Variants in TNRC18 observed in about 807,000 individuals in gnomAD.
The protein encoded by TNRC18 is trinucleotide repeat containing 18.
Under a neutral mutation model 226.7 loss-of-function variants are expected in TNRC18, and 69 were observed. The ratio of observed to expected loss-of-function variants is 0.30; its 90% CI spans 0.25 to 0.37. The LOEUF (loss-of-function observed/expected upper bound fraction) is 0.37. Ranked by LOEUF, TNRC18 falls within the 10% of genes least tolerant of loss-of-function variation. The pLI, the probability that TNRC18 is intolerant of heterozygous loss-of-function variation, is 1.00. For synonymous variants in TNRC18, 2,449 were observed against 1,927.6 expected (o/e 1.27, Z -7.09); for missense variants, 4,754 against 4,256.6 (o/e 1.12, Z -3.25).
At chr7:5,401,259 GAT>G (rs1452086754) in intron 2 of TNRC18, among the ~76,000 whole-genome samples, 1 of 151,882 alleles carries the variant, frequency 6.6e-6, no homozygotes, top group Non-Finnish European at 1.5e-5. Flanking sequence ...ATGTGATCAT[GAT>G]AGGGATATAA....
rs118167776 is a variant in TNRC18 at position 5,337,704 on chromosome 7, G to A, written c.5720-4655C>T. On this transcript the variant is annotated intron_variant, in intron 18 of 29. Coordinates refer to ENST00000430969, the MANE Select transcript of TNRC18 (RefSeq NM_001080495.3). ...TTAAATGATTAAAACTAAGTTTGTG[G>A]TCGGGTCCGGGGGCTCATGCCTGTA... Among the ~76,000 whole-genome samples, 559 of 152,188 alleles carry A rather than the reference G, an allele frequency of 3.7e-3. 7 individuals are homozygous for A. Among genetic ancestry groups the A allele is most frequent in the East Asian group, 6.4e-3 (33 of 5,190 alleles).
rs377715514 is a variant in TNRC18 at position 5,308,166 on chromosome 7, G to T, written c.8847C>A (p.Gly2949=). The T allele has an allele frequency of 1.1e-5, 18 of 1,584,382 alleles. No individual in the cohort carries two copies. In the African/African-American group the frequency reaches 2.3e-4, roughly 20 times the overall value. ...TCATGCCCGTGGTGGGCTCGTAGGTGCCCGCGAGGTAGTACAGGCCCTCGC... is the reference window on the plus strand; with the variant it reads ...TCATGCCCGTGGTGGGCTCGTAGGTTCCCGCGAGGTAGTACAGGCCCTCGC... The part of the protein sequence containing the change: ...QDSEGLYYLA[G]TYEPTTGMIF... Residue 2949 remains glycine (G), a synonymous_variant, in exon 30 of 30, where the codon GGC becomes GGA. Coordinates refer to ENST00000430969, the MANE Select transcript of TNRC18 (RefSeq NM_001080495.3).
In TNRC18 at chr7:5,371,284, C is replaced by T. The variant is rs776127637; in HGVS notation, c.3310G>A (p.Ala1104Thr). ...PYPFLLQPTAAADADGLAPDV... is the reference protein window; with the variant it reads ...PYPFLLQPTATADADGLAPDV... ...GGGGCCAAGCCGTCCGCGTCGGCGG[C>T]GGCCGTGGGCTGCAGCAGGAAAGGG... The change falls in exon 11 of 30, where the codon GCC becomes ACC. Residue 1104 changes from alanine (A) to threonine (T), a missense_variant. Ala to Thr is a moderately conservative substitution (Grantham distance 58). Coordinates refer to ENST00000430969, the MANE Select transcript of TNRC18 (RefSeq NM_001080495.3). The T allele has an allele frequency of 1.2e-5, 19 of 1,579,114 alleles. 1 individual carries two copies. The highest frequency in any genetic ancestry group is 8.9e-5 in the Admixed American group (5 of 55,916).
chr7:5,414,420 GTT>G (rs1025136311), intron 2 of TNRC18, among the ~76,000 whole-genome samples: 1 of 142,748 alleles, frequency 7.0e-6, no homozygotes, highest in Non-Finnish European at 1.6e-5. Flanking sequence ...TCTTTCTTTT[GTT>G]TTTTTTTTGA....
At chr7:5,334,233 G>C (rs1583811175) in intron 18 of TNRC18, among the ~76,000 whole-genome samples, 2 of 152,214 alleles carry the variant, frequency 1.3e-5, no homozygotes, top group East Asian at 3.8e-4. Flanking sequence ...ACAGCAACAG[G>C]GGCTGGCGGG....
At chr7:5,360,238 TA>T (rs1259439873) in intron 14 of TNRC18, among the ~76,000 whole-genome samples, 1 of 150,590 alleles carries the variant, frequency 6.6e-6, no homozygotes, top group African/African-American at 2.4e-5. Flanking sequence ...TTTATTTATT[TA>T]ATTTATTTTT....
In TNRC18 at chr7:5,316,274, C is replaced by CTTTTTTT. The variant is rs1278896095; in HGVS notation, c.6746-209_6746-203dup. Among the ~76,000 whole-genome samples, 363 of 86,520 alleles carry CTTTTTTT rather than the reference C, an allele frequency of 4.2e-3. 11 individuals carry two copies. Among genetic ancestry groups the CTTTTTTT allele is most frequent in the Non-Finnish European group, 4.8e-3 (234 of 48,344 alleles). The allele number at this position is 86,520 out of a possible 152,430, so 56.8% of individuals were successfully genotyped here. A position where few individuals can be genotyped will look rare whatever the true frequency, so the allele number is the denominator to read the frequency against. On this transcript the variant is annotated intron_variant, in intron 24 of 29. Coordinates refer to ENST00000430969, the MANE Select transcript of TNRC18 (RefSeq NM_001080495.3). ...CCCGGGCAGGGCAGGAGAAATGGGT[C>CTTTTTTT]TTTTTTTTTTTTTTTTTTTTTTGAG...
At chr7:5,369,279 G>T (rs1793930953) in intron 11 of TNRC18, among the ~76,000 whole-genome samples, 1 of 152,160 alleles carries the variant, frequency 6.6e-6, no homozygotes, top group Non-Finnish European at 1.5e-5. Context: ...ACCCGGGAGG[G>T]CGGAGGCTGC....
rs531792990 is a variant in TNRC18 at position 5,389,263 on chromosome 7, G to A, written c.561C>T (p.Gly187=). Residue 187 remains glycine (G), a synonymous_variant, in exon 5 of 30, where the codon GGC becomes GGT. Transcript: ENST00000430969. ...CCGGGGCGCCCGAGGAGTGGCCGCC[G>A]CCAGGGGTCCGGGCCGAGGGCGCGT... ...HSHAPSARTP[G]GGHSSGAPAK... The A allele has an allele frequency of 3.1e-6, 4 of 1,309,234 alleles. No individual in the cohort carries two copies. Among genetic ancestry groups the A allele is most frequent in the East Asian group, 3.1e-5 (1 of 32,142 alleles). The allele number at this position is 1,309,234 out of a possible 1,614,324, so 81.1% of individuals were successfully genotyped here.
At chr7:5,354,579 A>G (rs1186292064) in intron 16 of TNRC18, among the ~76,000 whole-genome samples, 1 of 151,962 alleles carries the variant, frequency 6.6e-6, no homozygotes, top group African/African-American at 2.4e-5. Context: ...ACTGGCCAGG[A>G]GCCTAGGCTA....
At chr7:5,314,743 T>C (rs1787669759) in intron 26 of TNRC18, among the ~76,000 whole-genome samples, 1 of 152,012 alleles carries the variant, frequency 6.6e-6, no homozygotes, top group African/African-American at 2.4e-5. Context: ...CAGCTAATTT[T>C]TGTATTTTTA....
intron 5 of TNRC18, among the ~76,000 whole-genome samples, chr7:5,378,961 G>C (rs898347973): frequency 6.6e-6 from 1 of 151,430 alleles, no homozygotes; most frequent in African/African-American, 2.4e-5. Context: ...GGGTGGGGGG[G>C]GCGGGGCGGA....
rs1779897010 is a variant in TNRC18 at position 5,387,675 on chromosome 7, T to G, written c.2149A>C (p.Lys717Gln). ...QERSLSLSNV[K>Q]GHGRADEDCV... is the part of the protein sequence containing the mutation. ...CTGGGCTCTGCCCAGGACCTACCTT[T>G]GACGTTACTCAGCGACAGAGAGCGC... The change falls in exon 5 of 30, where the codon AAA (lysine) becomes CAA (glutamine). Residue 717 changes from lysine to glutamine, a missense_variant. Coordinates refer to ENST00000430969, the MANE Select transcript of TNRC18 (RefSeq NM_001080495.3). 1 of 1,603,534 alleles carries G rather than the reference T, an allele frequency of 6.2e-7. No homozygotes were observed. Among genetic ancestry groups the G allele is most frequent in the African/African-American group, 1.3e-5 (1 of 74,924 alleles).
At position 5,374,305 on chromosome 7, in the gene TNRC18, T is replaced by C; in HGVS notation, c.2979A>G (p.Pro993=). ...CCACAGGGGATGCGCGGGGTGATGG[T>C]GGCGGGCTCACGGCCTTGCCGTAGG... is the stretch of plus-strand genomic sequence containing the variant. ...AGTYGKAVSP[P]PSPRASPVAA... Residue 993 remains proline, a synonymous_variant, in exon 10 of 30, where the codon CCA becomes CCG. Transcript: ENST00000430969. 1.8e-5 allele frequency: 26 copies of C among 1,447,434 alleles called. No homozygotes were observed. Among genetic ancestry groups the C allele is most frequent in the Non-Finnish European group, 2.3e-5 (25 of 1,104,936 alleles). 89.7% of individuals were successfully genotyped at this position (1,447,434 alleles called of 1,614,324 possible).
At position 5,361,719 on chromosome 7, in the gene TNRC18, G is replaced by A. The variant is rs1793067478; in HGVS notation, c.4536C>T (p.Asp1512=). Residue 1512 remains aspartate (D), a synonymous_variant, in exon 14 of 30, where the codon GAC becomes GAT. Coordinates refer to ENST00000430969, the MANE Select transcript of TNRC18 (RefSeq NM_001080495.3). ...AGCTTCTATGGGGTTCCTCGCGCCT[G>A]TCCCTTAAAAAGAATCACACGCTTG... ...VKLQRRRDSE[D]RREEPHRSLA... The A allele has an allele frequency of 6.4e-7, 1 of 1,564,648 alleles. No homozygotes were observed. Among genetic ancestry groups the A allele is most frequent in the Non-Finnish European group, 8.7e-7 (1 of 1,155,440 alleles).
Position 5,309,093 on chromosome 7 carries a change from C to A in TNRC18, c.8625+39G>T, listed in dbSNP as rs766830596. ...CCTCGCCCTCAGGTCTGCCCTACAC[C>A]GCCTAGGACTGGGGGCCGCAGCCGG... On this transcript the variant is annotated intron_variant, in intron 28 of 29. Transcript: ENST00000430969. The surrounding 1 kb of genome is among the most constrained non-coding windows in gnomAD (Gnocchi z 5.7). 3 of 1,555,704 alleles carry A rather than the reference C, an allele frequency of 1.9e-6. No individual in the cohort carries two copies. Among genetic ancestry groups the A allele is most frequent in the Admixed American group, 3.8e-5 (2 of 52,778 alleles).
intron 17 of TNRC18, among the ~76,000 whole-genome samples, chr7:5,349,678 G>C (rs777200042): frequency 6.6e-6 from 1 of 152,226 alleles, no homozygotes; most frequent in Non-Finnish European, 1.5e-5. Context: ...TTCGCTTTGC[G>C]TCCAGAGTGC....
intron 2 of TNRC18, among the ~76,000 whole-genome samples, chr7:5,414,498 C>A (rs573174678): frequency 6.6e-6 from 1 of 151,396 alleles, no homozygotes; most frequent in Non-Finnish European, 1.5e-5. Flanking sequence ...CTGCAAACTC[C>A]GCCTCCCAGG....
rs1237061743 is a variant in TNRC18, at chr7:5,308,076, G to A, written c.*30C>T. The stretch of plus-strand genomic sequence containing the variant: ...GAGATGGGTCCCTGGCCGCCCTCGG[G>A]GCACAGGTGGCCCGCAGGGCCCGGC... On this transcript the variant is annotated 3_prime_UTR_variant, in exon 30 of 30. Transcript: ENST00000430969. 6.5e-7 allele frequency: 1 copy of A among 1,538,452 alleles called. No homozygotes were observed.
Sources: allele counts gnomAD v4.1 joint callset (sites outside exome capture counted in the v4.1 genomes callset), GRCh38; gene constraint gnomAD v4.1.1; non-coding constraint Gnocchi (gnomAD v3.1); transcripts MANE v1.5; gene names NCBI Gene and HGNC (gene_info 2026-07-23, HGNC 2026-07-21).